Variants in FKBP8 observed in about 807,000 individuals in gnomAD.
FKBP8 encodes FKBP prolyl isomerase 8, also known as peptidyl-prolyl cis-trans isomerase FKBP8.
Under a neutral mutation model 41.7 loss-of-function variants are expected in FKBP8, and 5 were observed. The ratio of observed to expected loss-of-function variants is 0.12; its 90% confidence interval spans 0.06 to 0.25. FKBP8 has a LOEUF of 0.25. Ranked by LOEUF, FKBP8 falls within the 10% of genes least tolerant of loss-of-function variation. The probability of loss-of-function intolerance (pLI) is 1.00; values close to 1 mark genes in which losing one functional copy is unlikely to be tolerated. For missense variants in FKBP8, 397 were observed against 563.0 expected, an observed-to-expected ratio of 0.71 and a Z score of 2.98; for synonymous variants, 279 against 254.5, an observed-to-expected ratio of 1.10 and a Z score of -0.92.
Position 18,533,541 on chromosome 19 carries a change from CA to C in FKBP8, c.946-195del, listed in dbSNP as rs760317890. ...CAACATGGAGAAACCCCGTCTCTAC[CA>C]AAAAATACAAAAATTAGCCAGGCGT... On this transcript the variant is annotated intron_variant, in intron 6 of 8. Transcript: ENST00000608443. 5.3e-5 allele frequency among the ~76,000 whole-genome samples: 8 copies of C among 151,980 alleles called. No individual in the cohort carries two copies. The Middle Eastern group carries it at 0.017, about 323-fold the overall frequency.
intron 2 of FKBP8, among the ~76,000 whole-genome samples, chr19:18,540,962 A>T (rs8103468): frequency 0.051 from 7,819 of 152,186 alleles, 665 homozygotes; most frequent in African/African-American, 0.18. Context: ...TATGATTGGA[A>T]ACTATTGCTA....
chr19:18,541,986 G>C lies in FKBP8; in HGVS notation c.-16C>G, dbSNP rs1976713365. Reference sequence around the variant, plus strand: ...ACGATGCCATGCTGCTGGGGGGACAGGAATTGGCCCTGGAAGTGGGGGGCA... The same window carrying C: ...ACGATGCCATGCTGCTGGGGGGACACGAATTGGCCCTGGAAGTGGGGGGCA... On this transcript the variant is annotated 5_prime_UTR_variant, in exon 2 of 9. Coordinates refer to ENST00000608443, the MANE Select transcript of FKBP8 (RefSeq NM_012181.5). 1.2e-6 allele frequency: 2 copies of C among 1,609,392 alleles called. No homozygotes were observed. The highest frequency in any genetic ancestry group is 4.5e-5 in the East Asian group (2 of 44,762).
chr19:18,541,628 G>C (rs1342224397), intron 2 of FKBP8, 51 bp downstream of exon 2: 2 of 1,551,534 alleles, frequency 1.3e-6, no homozygotes, highest in East Asian at 2.3e-5. Flanking sequence ...TGAGGCTCAG[G>C]GGACGAGAGG....
At chr19:18,536,355 T>C (rs1349958005) in intron 6 of FKBP8, among the ~76,000 whole-genome samples, 2 of 152,150 alleles carry the variant, frequency 1.3e-5, no homozygotes, top group Non-Finnish European at 2.9e-5. Context: ...AACTTTTTTT[T>C]CTGTTCTCGT....
At chr19:18,539,289 G>A in intron 4 of FKBP8, 82 bp downstream of exon 4, 1 of 1,253,292 alleles carries the variant, frequency 8.0e-7, no homozygotes, top group South Asian at 1.4e-5. Flanking sequence ...TGGGCAAGTA[G>A]ATGGGGTGAG....
At chr19:18,534,912 C>T (rs965035254) in intron 6 of FKBP8, among the ~76,000 whole-genome samples, 13 of 152,042 alleles carry the variant, frequency 8.6e-5, no homozygotes, top group African/African-American at 2.9e-4. Context: ...CTCAGCCTCC[C>T]GAGTAACTGG....
intron 6 of FKBP8, among the ~76,000 whole-genome samples, chr19:18,533,954 AGCCGAGATCGT>A (rs1379739864): frequency 7.0e-6 from 1 of 142,712 alleles, no homozygotes; most frequent in African/African-American, 2.7e-5. Context: ...GCTTGCAGTG[AGCCGAGATCGT>A]GCCACTGCAC....
Position 18,532,734 on chromosome 19 carries a change from G to T in FKBP8, c.1085C>A (p.Thr362Asn). 6.2e-7 allele frequency: 1 copy of T among 1,614,160 alleles called. No individual in the cohort carries two copies. The highest frequency in any genetic ancestry group is 8.5e-7 in the Non-Finnish European group (1 of 1,180,048). ...GCCCAGCATTTTCCGGTACAAGGCG[G>T]TCTCCGTGCTCCGCTGCGCCGCATG... ...KKHAAQRSTE[T>N]ALYRKMLGNP... Residue 362 changes from threonine (T) to asparagine (N), a missense_variant, in exon 8 of 9, where the codon ACC becomes AAC. Around this residue, in one of 2 missense-constraint regions of FKBP8, gnomAD observed 225 missense variants for 366.8 expected, o/e 0.61. Transcript: ENST00000608443.
Position 18,538,401 on chromosome 19 carries a change from C to A in FKBP8, c.587G>T (p.Cys196Phe). Residue 196 changes from cysteine to phenylalanine, a missense_variant, in exon 5 of 9, where the codon TGC (cysteine) becomes TTC (phenylalanine). By Grantham distance (205) the Cys-to-Phe change is radical. This residue lies in a region of FKBP8 where 225 missense variants were observed against 366.8 expected (regional missense o/e 0.61). Transcript: ENST00000608443. This position sits in a 1 kb window ranked among gnomAD's most constrained non-coding sequence, Gnocchi z 4.0. ...SPYIPPHAALCLEVTLKTAVD... is the reference protein window; with the variant it reads ...SPYIPPHAALFLEVTLKTAVD... ...AGCCGTCTTCAGGGTCACCTCCAGG[C>A]ACAGGGCCGCGTGCGGGGGGATGTA... 4 of 1,613,284 alleles carry A rather than the reference C, an allele frequency of 2.5e-6. No homozygotes were observed. Among genetic ancestry groups the A allele is most frequent in the Non-Finnish European group, 3.4e-6 (4 of 1,179,978 alleles).
At position 18,532,648 on chromosome 19, in the gene FKBP8, C is replaced by T. The variant is rs1976476055; in HGVS notation, c.1155+16G>A. 1 of 1,612,802 alleles carries T rather than the reference C, an allele frequency of 6.2e-7. No individual in the cohort carries two copies. Among genetic ancestry groups the T allele is most frequent in the Non-Finnish European group, 8.5e-7 (1 of 1,179,574 alleles). ...GCCCTGCACACAGCCCCTGCCCATT[C>T]TGTGCCCCAGCTCACCCAGGCACCC... On this transcript the variant is annotated intron_variant, in intron 8 of 8. Coordinates refer to ENST00000608443, the MANE Select transcript of FKBP8 (RefSeq NM_012181.5).
chr19:18,534,761 GTATT>G (rs1326003511), intron 6 of FKBP8, among the ~76,000 whole-genome samples: 2 of 150,498 alleles, frequency 1.3e-5, no homozygotes, highest in South Asian at 2.1e-4. Flanking sequence ...ATTTATTTAT[GTATT>G]TATTTATAAA....
Position 18,537,354 on chromosome 19 carries a change from A to G in FKBP8, c.945+247T>C, listed in dbSNP as rs544515722. On this transcript the variant is annotated intron_variant, in intron 6 of 8. Transcript: ENST00000608443. The surrounding 1 kb of genome is among the most constrained non-coding windows in gnomAD (Gnocchi z 4.4). ...AGACTCTGTCTCAAGAAACAAACAAACAAACAAACAAAAAACACTGGGCCA... is the reference window on the plus strand; with the variant it reads ...AGACTCTGTCTCAAGAAACAAACAAGCAAACAAACAAAAAACACTGGGCCA... Among the ~76,000 whole-genome samples the G allele has an allele frequency of 1.3e-5, 2 of 152,002 alleles. No individual in the cohort carries two copies. Among genetic ancestry groups the G allele is most frequent in the African/African-American group, 4.8e-5 (2 of 41,418 alleles).
intron 1 of FKBP8, chr19:18,543,163 G>T: frequency 3.7e-6 from 1 of 267,908 alleles, no homozygotes; most frequent in South Asian, 2.7e-5. Flanking sequence ...CGCGACCCAG[G>T]CCCCCAACGA....
In FKBP8 at chr19:18,538,417, G is replaced by T; in HGVS notation, c.571C>A (p.Pro191Thr). Residue 191 changes from proline to threonine, a missense_variant, in exon 5 of 9, where the codon CCG (proline) becomes ACG (threonine). This residue lies in a region of FKBP8 where 225 missense variants were observed against 366.8 expected (regional missense o/e 0.61). Transcript: ENST00000608443. The surrounding 1 kb of genome is among the most constrained non-coding windows in gnomAD (Gnocchi z 4.0). ...PQGSRSPYIP[P>T]HAALCLEVTL... ...ACCTCCAGGCACAGGGCCGCGTGCG[G>T]GGGGATGTATGGGCTCCTGCTAGTT... The T allele has an allele frequency of 6.2e-7, 1 of 1,612,490 alleles. No homozygotes were observed. The highest frequency in any genetic ancestry group is 1.1e-5 in the South Asian group (1 of 90,992).
chr19:18,532,349 A>G, intron 8 of FKBP8, 94 bp from the exon 9 acceptor site: 1 of 1,212,150 alleles, frequency 8.2e-7, no homozygotes, highest in African/African-American at 1.5e-5. Flanking sequence ...AGACCTCCCA[A>G]CAAATCATTG....
intron 8 of FKBP8, 141 bp downstream of exon 8, chr19:18,532,523 C>A: frequency 1.5e-6 from 2 of 1,305,508 alleles, no homozygotes; most frequent in African/African-American, 3.0e-5. Context: ...CACTCATGAT[C>A]ACACAGGGCT....
In FKBP8 at chr19:18,537,165, A is replaced by T. The variant is rs1976598461; in HGVS notation, c.945+436T>A. ...ACCAGCCTGGCCAATATGGCTAACC[A>T]CATCTCTACTAAAAATACAAAAATT... On this transcript the variant is annotated intron_variant, in intron 6 of 8. Transcript: ENST00000608443. This position sits in a 1 kb window ranked among gnomAD's most constrained non-coding sequence, Gnocchi z 4.4. Among the ~76,000 whole-genome samples the T allele has an allele frequency of 6.6e-6, 1 of 151,996 alleles. No individual in the cohort carries two copies. The highest frequency in any genetic ancestry group is 1.5e-5 in the Non-Finnish European group (1 of 67,998).
At chr19:18,539,262 G>T in intron 4 of FKBP8, 109 bp downstream of exon 4, 1 of 1,017,362 alleles carries the variant, frequency 9.8e-7, no homozygotes, top group Non-Finnish European at 1.5e-6. Context: ...CCCAGCCTCA[G>T]TTTCTTGTCT....
chr19:18,542,933 C>T (rs1976742047), intron 1 of FKBP8: 9 of 1,264,986 alleles, frequency 7.1e-6, no homozygotes, highest in Non-Finnish European at 9.2e-6. Context: ...AGAGACCCTC[C>T]CAGCCCCCAC....
Sources: allele counts gnomAD v4.1 joint callset (sites outside exome capture counted in the v4.1 genomes callset), GRCh38; gene constraint gnomAD v4.1.1; regional missense constraint gnomAD v4.1.1; non-coding constraint Gnocchi (gnomAD v3.1); transcripts MANE v1.5; gene names NCBI Gene and HGNC (gene_info 2026-07-23, HGNC 2026-07-21).